DKK4: variants seen among roughly 807,000 people sequenced by gnomAD.
DKK4 encodes the protein dickkopf Wnt signaling pathway inhibitor 4, also known as dickkopf-related protein 4.
DKK4 carries 15 observed loss-of-function variants against 14.5 expected under a neutral mutation model. The ratio of observed to expected loss-of-function variants is 1.03; its 90% CI spans 0.69 to 1.59. The LOEUF (loss-of-function observed/expected upper bound fraction) is 1.59. Ranked by LOEUF, DKK4 falls within the 40% of genes most tolerant of loss-of-function variation. DKK4 has a pLI of 0.00. For synonymous variants in DKK4, 89 were observed against 105.2 expected (o/e 0.85, Z 0.94); for missense variants, 272 against 280.3 (o/e 0.97, Z 0.21).
upstream of DKK4, among the ~76,000 whole-genome samples, chr8:42,379,420 GAGA>G (rs1824630743): frequency 2.1e-4 from 26 of 120,978 alleles, no homozygotes; most frequent in African/African-American, 8.5e-4. Context: ...GAGAGAGAGA[GAGA>G]GAGAAAGATT....
the DKK4 span, among the ~76,000 whole-genome samples, chr8:42,383,040 G>T: frequency 0.024 from 3,664 of 152,218 alleles, 119 homozygotes; most frequent in African/African-American, 0.083. Context: ...CATAAGTTTT[G>T]CTTTCCTTAA....
chr8:42,390,083 G>A, the DKK4 span, among the ~76,000 whole-genome samples: 1 of 151,946 alleles, frequency 6.6e-6, no homozygotes, highest in East Asian at 1.9e-4. Flanking sequence ...TACTAGAGTC[G>A]GAGTTTCACC....
At chr8:42,382,786 GACTA>G in the DKK4 span, among the ~76,000 whole-genome samples, 1 of 152,084 alleles carries the variant, frequency 6.6e-6, no homozygotes, top group Non-Finnish European at 1.5e-5. Context: ...GAGTAATACT[GACTA>G]AGCTTAGAGG....
At chr8:42,383,262 C>T in the DKK4 span, among the ~76,000 whole-genome samples, 1 of 152,190 alleles carries the variant, frequency 6.6e-6, no homozygotes, top group South Asian at 2.1e-4. Context: ...AAGGGCAGCA[C>T]CCAGGGACAG....
At chr8:42,375,627 G>A in intron 2 of DKK4, 53 bp downstream of exon 2, 4 of 1,604,276 alleles carry the variant, frequency 2.5e-6, no homozygotes, top group Non-Finnish European at 1.7e-6. Context: ...TAGTCTATGG[G>A]GCTTAGACAC....
chr8:42,386,569 G>C, the DKK4 span, among the ~76,000 whole-genome samples: 2 of 152,148 alleles, frequency 1.3e-5, no homozygotes, highest in African/African-American at 4.8e-5. Context: ...TCGGCTCACT[G>C]TAGCCTCAAC....
the DKK4 span, among the ~76,000 whole-genome samples, chr8:42,387,619 C>A: frequency 6.6e-6 from 1 of 152,006 alleles, no homozygotes; most frequent in African/African-American, 2.4e-5. Flanking sequence ...TTCAGCCTCC[C>A]AAAGTGTTGG....
Position 42,374,873 on chromosome 8 carries a change from T to C in DKK4, c.303A>G (p.Glu101=). 1 of 1,614,204 alleles carries C rather than the reference T, an allele frequency of 6.2e-7. No homozygotes were observed. Among genetic ancestry groups the C allele is most frequent in the Non-Finnish European group, 8.5e-7 (1 of 1,180,022 alleles). ...TTMEDATPIL[E]RQLDEQDGTH... is the part of the protein sequence containing the mutation. ...TGCCATCTTGCTCATCAAGCTGCCT[T>C]TCTAATATTGGGGTTGCATCTTCCA... The change falls in exon 3 of 4, where the codon GAA becomes GAG. Residue 101 remains glutamate, a synonymous_variant. Coordinates refer to ENST00000220812, the MANE Select transcript of DKK4 (RefSeq NM_014420.3).
At chr8:42,377,929 T>TA (rs1230532943), upstream of DKK4, among the ~76,000 whole-genome samples, 1 of 152,246 alleles carries the variant, frequency 6.6e-6, no homozygotes, top group Admixed American at 6.5e-5. Context: ...CACAATTCAG[T>TA]ACGAAGCTTT....
upstream of DKK4, among the ~76,000 whole-genome samples, chr8:42,381,580 G>A (rs1824680463): frequency 6.6e-6 from 1 of 152,082 alleles, no homozygotes; most frequent in Non-Finnish European, 1.5e-5. Context: ...TTTGGGGCCG[G>A]GCCTGACTCT....
upstream of DKK4, among the ~76,000 whole-genome samples, chr8:42,377,455 C>T (rs1279357671): frequency 6.6e-6 from 1 of 152,140 alleles, no homozygotes; most frequent in Non-Finnish European, 1.5e-5. Context: ...TTCAAAGGGC[C>T]ACGGCAGAGC....
At position 42,374,105 on chromosome 8, in the gene DKK4, G is replaced by C; in HGVS notation, c.670C>G (p.Leu224Val). The change falls in exon 4 of 4, where the codon CTA (leucine) becomes GTA (valine). Residue 224 changes from leucine to valine, a missense_variant. Coordinates refer to ENST00000220812, the MANE Select transcript of DKK4 (RefSeq NM_014420.3). ...TCTTCTTTATTTTGAAATATTTATA[G>C]CTTTTCTATTTTTTGGCATACTCTT... ...RLRVCQKIEK[L>V] is the part of the protein sequence containing the mutation. 1 of 1,610,908 alleles carries C rather than the reference G, an allele frequency of 6.2e-7. No individual in the cohort carries two copies. Among genetic ancestry groups the C allele is most frequent in the Middle Eastern group, 2.2e-4 (1 of 4,596 alleles).
At chr8:42,384,299 G>A in the DKK4 span, among the ~76,000 whole-genome samples, 388 of 152,178 alleles carry the variant, frequency 2.5e-3, 2 homozygotes, top group African/African-American at 8.7e-3. Context: ...GCATGCCACC[G>A]CAACAGCTAA....
chr8:42,378,943 CAAAAAAAAAA>C (rs1166439885), upstream of DKK4, among the ~76,000 whole-genome samples: 1,435 of 49,474 alleles, frequency 0.029, 35 homozygotes, highest in African/African-American at 0.085. Flanking sequence ...CCTGTCTCCA[CAAAAAAAAAA>C]AAAAAAAAAA....
chr8:42,382,311 G>A, the DKK4 span, among the ~76,000 whole-genome samples: 3 of 152,172 alleles, frequency 2.0e-5, no homozygotes, highest in Admixed American at 1.3e-4. Flanking sequence ...GTCCCTCAGC[G>A]AGAATGCCAA....
intron 1 of DKK4, among the ~76,000 whole-genome samples, chr8:42,376,445 A>G (rs1824566569): frequency 6.6e-6 from 1 of 152,226 alleles, no homozygotes; most frequent in Admixed American, 6.5e-5. Context: ...ACATAAAGCG[A>G]TTCCTAAAAC....
At chr8:42,376,056 CTT>C (rs958474760) in intron 1 of DKK4, among the ~76,000 whole-genome samples, 1 of 152,194 alleles carries the variant, frequency 6.6e-6, no homozygotes, top group African/African-American at 2.4e-5. Context: ...GAAAAATTGA[CTT>C]AACTCAGAAT....
chr8:42,379,351 CTA>C (rs71548581), upstream of DKK4, among the ~76,000 whole-genome samples: 126 of 8,770 alleles, frequency 0.014, 1 homozygote, highest in Admixed American at 0.03. Flanking sequence ...GAGATTAAGC[CTA>C]TATATATATA....
Position 42,375,728 on chromosome 8 carries a change from T to G in DKK4, c.214A>C (p.Arg72=), listed in dbSNP as rs768651417. 1 of 1,613,882 alleles carries G rather than the reference T, an allele frequency of 6.2e-7. No individual in the cohort carries two copies. The highest frequency in any genetic ancestry group is 8.5e-7 in the Non-Finnish European group (1 of 1,180,006). ...FCATCRGLRR[R]CQRDAMCCPG... ...CAGCACATGGCATCTCGCTGGCACCTCCTCCGCAACCCACGACATGTAGCA... is the reference window on the plus strand; with the variant it reads ...CAGCACATGGCATCTCGCTGGCACCGCCTCCGCAACCCACGACATGTAGCA... Residue 72 remains arginine, a synonymous_variant, in exon 2 of 4, where the codon AGG becomes CGG. Transcript: ENST00000220812.
Sources: allele counts gnomAD v4.1 joint callset (sites outside exome capture counted in the v4.1 genomes callset), GRCh38; gene constraint gnomAD v4.1.1; transcripts MANE v1.5; gene names NCBI Gene and HGNC (gene_info 2026-07-23, HGNC 2026-07-21).